NOS3: variants seen among roughly 807,000 people sequenced by gnomAD.
The protein encoded by NOS3 is NOS type III.
Under a neutral mutation model 144.9 loss-of-function variants are expected in NOS3, and 98 were observed. That is an observed-to-expected ratio of 0.68 (90% CI 0.57 to 0.80). The LOEUF is 0.80. Ranked by LOEUF, NOS3 falls within the 30% of genes least tolerant of loss-of-function variation. The probability of loss-of-function intolerance (pLI) is 0.00; values close to 1 mark genes in which losing one functional copy is unlikely to be tolerated. For synonymous variants in NOS3, 714 were observed against 702.4 expected, an observed-to-expected ratio of 1.02 and a Z score of -0.26; for missense variants, 1,465 against 1,656.4, an observed-to-expected ratio of 0.88 and a Z score of 2.01.
Position 151,013,875 on chromosome 7 carries a change from A to G in NOS3, c.3407A>G (p.Asp1136Gly), listed in dbSNP as rs1795373075. The G allele has an allele frequency of 1.9e-6, 3 of 1,603,192 alleles. No individual in the cohort carries two copies. The South Asian group carries it at 3.3e-5, about 18-fold the overall frequency. ...CAGCGCATCCTGGCGACGGAGGGCG[A>G]CATGGAGCTGGACGAGGCCGGCGAC... ...TVQRILATEG[D>G]MELDEAGDVI... Residue 1136 changes from aspartate (D) to glycine (G), a missense_variant, in exon 26 of 27, where the codon GAC (aspartate) becomes GGC (glycine). Transcript: ENST00000297494.
intron 1 of NOS3, among the ~76,000 whole-genome samples, chr7:150,991,545 G>A (rs1184896343): frequency 6.6e-6 from 1 of 152,210 alleles, no homozygotes; most frequent in Non-Finnish European, 1.5e-5. Context: ...ATGTGCTGGA[G>A]TGGCTTTGTT....
chr7:151,013,315 C>A lies in NOS3; in HGVS notation c.3191C>A (p.Ala1064Asp). 1 of 1,614,076 alleles carries A rather than the reference C, an allele frequency of 6.2e-7. No individual in the cohort carries two copies. The highest frequency in any genetic ancestry group is 8.5e-7 in the Non-Finnish European group (1 of 1,180,022). Residue 1064 changes from alanine to aspartate, a missense_variant, in exon 25 of 27, where the codon GCC becomes GAC. Ala to Asp is a moderately radical substitution (Grantham distance 126, BLOSUM62 -2). Transcript: ENST00000297494. ...CTCTACCGCGACGAGGTGCAGAACGCCCAGCAGCGCGGGGTGTTTGGCCGA... is the reference window on the plus strand; with the variant it reads ...CTCTACCGCGACGAGGTGCAGAACGACCAGCAGCGCGGGGTGTTTGGCCGA... Reference protein sequence around the residue: ...DHLYRDEVQNAQQRGVFGRVL... With the variant: ...DHLYRDEVQNDQQRGVFGRVL...
Position 150,993,498 on chromosome 7 carries a change from C to T in NOS3, c.-51-255C>T, listed in dbSNP as rs541113068. On this transcript the variant is annotated intron_variant, in intron 1 of 26. Coordinates refer to ENST00000297494, the MANE Select transcript of NOS3 (RefSeq NM_000603.5). This position sits in a 1 kb window ranked among gnomAD's most constrained non-coding sequence, Gnocchi z 4.0. ...GGCTCTACCCTGCCACTCCCCAATG[C>T]CCCAGCCCCCATGCTGCAGCCCCAG... Among the ~76,000 whole-genome samples the T allele has an allele frequency of 1.7e-3, 256 of 152,316 alleles. 5 individuals are homozygous for T. The highest frequency in any genetic ancestry group is 0.017 in the Admixed American group (256 of 15,306).
chr7:150,995,301 C>T lies in NOS3; in HGVS notation c.257C>T (p.Ala86Val). Residue 86 changes from alanine to valine, a missense_variant, in exon 3 of 27, where the codon GCC (alanine) becomes GTC (valine). Coordinates refer to ENST00000297494, the MANE Select transcript of NOS3 (RefSeq NM_000603.5). ...AGCATCACCTATGACACCCTCAGCG[C>T]CCAGGCGCAGCAGGTAAGGCCGGCA... The part of the protein sequence containing the change: ...VGSITYDTLS[A>V]QAQQDGPCTP... 6.2e-7 allele frequency: 1 copy of T among 1,610,350 alleles called. No homozygotes were observed. Among genetic ancestry groups the T allele is most frequent in the Non-Finnish European group, 8.5e-7 (1 of 1,178,130 alleles).
In NOS3 at chr7:151,013,851, A is replaced by G. The variant is rs1795371601; in HGVS notation, c.3383A>G (p.Gln1128Arg). 2 of 1,605,596 alleles carry G rather than the reference A, an allele frequency of 1.2e-6. No homozygotes were observed. The highest frequency in any genetic ancestry group is 1.7e-6 in the Non-Finnish European group (2 of 1,176,692). ...TMATNVLQTV[Q>R]RILATEGDME... is the part of the protein sequence containing the mutation. ...GCAACCAACGTCCTGCAGACCGTGC[A>G]GCGCATCCTGGCGACGGAGGGCGAC... Residue 1128 changes from glutamine to arginine, a missense_variant, in exon 26 of 27, where the codon CAG becomes CGG. Transcript: ENST00000297494.
intron 24 of NOS3, 192 bp downstream of exon 24, chr7:151,012,664 G>A: frequency 1.7e-6 from 1 of 592,960 alleles, no homozygotes; most frequent in Non-Finnish European, 2.9e-6. Context: ...TGGCTTCCTG[G>A]TGCCTGGTAC....
intron 10 of NOS3, 96 bp downstream of exon 10, chr7:151,000,695 G>T (rs1417348977): frequency 3.8e-6 from 3 of 793,572 alleles, no homozygotes; most frequent in African/African-American, 3.4e-5. Context: ...AGAAACTAGG[G>T]CAGGATTTGG....
intron 19 of NOS3, 21 bp downstream of exon 19, chr7:151,009,288 GCCC>G: frequency 6.3e-7 from 1 of 1,590,506 alleles, no homozygotes; most frequent in Non-Finnish European, 8.6e-7. Flanking sequence ...CGGCTTTACC[GCCC>G]CCCCACCCCT....
At chr7:151,001,798 C>T (rs373157489) in intron 12 of NOS3, 23 bp from the exon 13 acceptor site, 9 of 1,613,418 alleles carry the variant, frequency 5.6e-6, no homozygotes, top group Admixed American at 1.7e-5. Flanking sequence ...CCCAGGACAC[C>T]CTCACACCTT....
chr7:151,006,583 T>A, intron 15 of NOS3, 89 bp downstream of exon 15: 1 of 1,162,850 alleles, frequency 8.6e-7, no homozygotes, highest in East Asian at 2.4e-5. Flanking sequence ...TCTCCCTCTG[T>A]GCCTCAAGTC....
At chr7:151,010,358 A>T in intron 21 of NOS3, 71 bp downstream of exon 21, 4 of 1,440,862 alleles carry the variant, frequency 2.8e-6, no homozygotes, top group Middle Eastern at 2.3e-4. Context: ...CAGTGGCAGG[A>T]AACCCCCATG....
rs764175023 is a variant in NOS3, at chr7:151,013,852, G to A, written c.3384G>A (p.Gln1128=). Residue 1128 remains glutamine, a synonymous_variant, in exon 26 of 27, where the codon CAG becomes CAA. Coordinates refer to ENST00000297494, the MANE Select transcript of NOS3 (RefSeq NM_000603.5). ...CAACCAACGTCCTGCAGACCGTGCA[G>A]CGCATCCTGGCGACGGAGGGCGACA... ...TMATNVLQTV[Q]RILATEGDME... is the part of the protein sequence containing the mutation. 4 of 1,604,326 alleles carry A rather than the reference G, an allele frequency of 2.5e-6. No individual in the cohort carries two copies. Among genetic ancestry groups the A allele is most frequent in the East Asian group, 4.5e-5 (2 of 44,448 alleles).
rs746892263 is a variant in NOS3, at chr7:151,013,811, G to A, written c.3343G>A (p.Gly1115Ser). Residue 1115 changes from glycine (G) to serine (S), a missense_variant, in exon 26 of 27, where the codon GGC (glycine) becomes AGC (serine). Transcript: ENST00000297494. ...CGAGCGGGGCCACATGTTTGTCTGCGGCGATGTTACCATGGCAACCAACGT... is the reference window on the plus strand; with the variant it reads ...CGAGCGGGGCCACATGTTTGTCTGCAGCGATGTTACCATGGCAACCAACGT... ...CLERGHMFVC[G>S]DVTMATNVLQ... The A allele has an allele frequency of 6.2e-7, 1 of 1,610,252 alleles. No individual in the cohort carries two copies. The highest frequency in any genetic ancestry group is 1.1e-5 in the South Asian group (1 of 90,362).
chr7:151,006,296 T>C, intron 14 of NOS3, 131 bp from the exon 15 acceptor site: 1 of 776,440 alleles, frequency 1.3e-6, no homozygotes, highest in Non-Finnish European at 2.2e-6. Context: ...AGATCGCTTT[T>C]GAAATTTTCA....
intron 17 of NOS3, among the ~76,000 whole-genome samples, chr7:151,008,397 G>A (rs975945462): frequency 7.2e-5 from 11 of 152,174 alleles, no homozygotes; most frequent in African/African-American, 2.4e-4. Context: ...AGGAGTAGAC[G>A]GGATCCACAC....
intron 24 of NOS3, chr7:151,013,025 C>T: frequency 1.7e-6 from 1 of 582,638 alleles, no homozygotes; most frequent in Non-Finnish European, 2.9e-6. Context: ...ACCACCTCAC[C>T]CGCGCTTCCC....
At chr7:151,012,636 G>C (rs1795331331) in intron 24 of NOS3, 164 bp downstream of exon 24, 1 of 785,962 alleles carries the variant, frequency 1.3e-6, no homozygotes, top group African/African-American at 1.7e-5. Context: ...CAAAGGCAAG[G>C]GCTGGGCCCT....
At chr7:151,011,415 T>A (rs894633348) in intron 23 of NOS3, among the ~76,000 whole-genome samples, 1 of 150,050 alleles carries the variant, frequency 6.7e-6, no homozygotes, top group African/African-American at 2.4e-5. Context: ...AAGGTTTTGG[T>A]TTTTTTTTCC....
Position 150,998,230 on chromosome 7 carries a change from T to A in NOS3, c.583-127T>A, listed in dbSNP as rs1213088597. The A allele has an allele frequency of 2.6e-6, 2 of 755,212 alleles. No individual in the cohort carries two copies. The highest frequency in any genetic ancestry group is 4.3e-6 in the Non-Finnish European group (2 of 460,004). The allele number at this position is 755,212 out of a possible 1,614,324, so 46.8% of individuals were successfully genotyped here. A position where few individuals can be genotyped will look rare whatever the true frequency, so the allele number is the denominator to read the frequency against. On this transcript the variant is annotated intron_variant, in intron 5 of 26. Transcript: ENST00000297494. This position sits in a 1 kb window ranked among gnomAD's most constrained non-coding sequence, Gnocchi z 5.0. ...AGGAAGGGATCAGTGTGGCTGCCAA[T>A]GGTCAGGAGGGCGCCATGGAGTGAA... is the stretch of plus-strand genomic sequence containing the variant.
Sources: gnomAD v4.1 joint callset for allele counts (sites outside exome capture counted in the v4.1 genomes callset) on GRCh38, gnomAD v4.1.1 for gene constraint, Gnocchi (gnomAD v3.1) non-coding constraint, MANE v1.5 for transcripts, NCBI Gene and HGNC (gene_info 2026-07-23, HGNC 2026-07-21) for gene names.